Variants in CFAP54 observed in about 807,000 individuals in gnomAD.
CFAP54 encodes cilia and flagella associated protein 54.
In CFAP54, 290 loss-of-function variants were observed where a neutral mutation model predicts 370.4. The ratio of observed to expected loss-of-function variants is 0.78; its 90% CI spans 0.71 to 0.86. The LOEUF is 0.86. CFAP54 is among the 40% of genes least tolerant of loss of function. CFAP54 has a pLI of 0.00. For synonymous variants in CFAP54, 1,206 were observed against 1,236.5 expected (o/e 0.98, Z 0.52); for missense variants, 3,399 against 3,528.7 (o/e 0.96, Z 0.93).
intron 67 of CFAP54, among the ~76,000 whole-genome samples, chr12:96,867,889 A>T (rs534451435): frequency 6.6e-6 from 1 of 152,182 alleles, no homozygotes; most frequent in African/African-American, 2.4e-5. Context: ...CTGAGAGAAG[A>T]TCTTAACTGT....
chr12:96,701,428 A>T (rs1313231373), intron 46 of CFAP54, among the ~76,000 whole-genome samples: 3 of 152,152 alleles, frequency 2.0e-5, no homozygotes, highest in African/African-American at 7.2e-5. Context: ...AGAGCAGTAG[A>T]AAGACAGCAG....
chr12:96,554,407 C>G, intron 16 of CFAP54, 97 bp downstream of exon 16: 4 of 1,367,460 alleles, frequency 2.9e-6, no homozygotes, highest in Non-Finnish European at 3.8e-6. Flanking sequence ...CTTGTGTTGG[C>G]TTACCTCTCA....
At chr12:96,640,829 G>T (rs1344747673) in intron 32 of CFAP54, among the ~76,000 whole-genome samples, 4 of 152,216 alleles carry the variant, frequency 2.6e-5, no homozygotes, top group Middle Eastern at 3.4e-3. Context: ...ATGGGGAAAG[G>T]ATTCCCTATT....
intron 26 of CFAP54, among the ~76,000 whole-genome samples, chr12:96,620,645 T>C (rs1029171156): frequency 6.6e-6 from 1 of 152,238 alleles, no homozygotes; most frequent in East Asian, 1.9e-4. Flanking sequence ...TATAACAAAT[T>C]CACACAAACT....
chr12:96,655,194 T>C (rs1956908165), intron 36 of CFAP54, among the ~76,000 whole-genome samples: 1 of 151,960 alleles, frequency 6.6e-6, no homozygotes, highest in African/African-American at 2.4e-5. Context: ...TATATGGTTT[T>C]TTTTTTCCAC....
intron 58 of CFAP54, among the ~76,000 whole-genome samples, chr12:96,762,667 T>G (rs899178687): frequency 6.6e-6 from 1 of 152,270 alleles, no homozygotes; most frequent in African/African-American, 2.4e-5. Context: ...ACATGCCTGT[T>G]AGTCTTGTTA....
chr12:96,627,697 A>G (rs1229944937), intron 30 of CFAP54, among the ~76,000 whole-genome samples: 1 of 152,240 alleles, frequency 6.6e-6, no homozygotes, highest in Non-Finnish European at 1.5e-5. Context: ...TCAAAAGATA[A>G]AAGAAGAAAT....
intron 26 of CFAP54, among the ~76,000 whole-genome samples, chr12:96,609,717 G>A (rs1956334890): frequency 6.6e-6 from 1 of 152,136 alleles, no homozygotes. Context: ...TATGTAAAGT[G>A]ATTCTATGTA....
chr12:96,508,607 T>TA (rs11411730), intron 4 of CFAP54, among the ~76,000 whole-genome samples: 58,423 of 148,798 alleles, frequency 0.39, 11,901 homozygotes, highest in East Asian at 0.68. Flanking sequence ...TTTTTTTTTT[T>TA]AAAAGATTAT....
At chr12:96,803,878 A>C (rs530319580) in intron 63 of CFAP54, among the ~76,000 whole-genome samples, 1 of 152,292 alleles carries the variant, frequency 6.6e-6, no homozygotes, top group East Asian at 1.9e-4. Flanking sequence ...GTCATCCAGC[A>C]ATAAATCCTA....
intron 26 of CFAP54, among the ~76,000 whole-genome samples, chr12:96,617,208 T>A (rs563115263): frequency 6.6e-6 from 1 of 152,170 alleles, no homozygotes; most frequent in Non-Finnish European, 1.5e-5. Context: ...CAGATTGAAT[T>A]TTGGAGTCGA....
intron 47 of CFAP54, among the ~76,000 whole-genome samples, 165 bp from the exon 48 acceptor site, chr12:96,708,443 C>A (rs1207815454): frequency 6.6e-6 from 1 of 152,100 alleles, no homozygotes; most frequent in Non-Finnish European, 1.5e-5. Context: ...TGAGATGGTT[C>A]CGATGTTACA....
chr12:96,708,579 T>C (rs755570554), intron 47 of CFAP54, 29 bp from the exon 48 acceptor site: 9 of 1,539,062 alleles, frequency 5.8e-6, no homozygotes, highest in Non-Finnish European at 4.4e-6. Context: ...TTTTCTAATT[T>C]GCTCTTTTTC....
At chr12:96,862,586 T>C (rs1959904819) in intron 67 of CFAP54, among the ~76,000 whole-genome samples, 1 of 151,874 alleles carries the variant, frequency 6.6e-6, no homozygotes, top group South Asian at 2.1e-4. Context: ...CAAGATATAA[T>C]GAAAGGGAAA....
At chr12:96,788,040 C>A (rs779580299) in intron 62 of CFAP54, among the ~76,000 whole-genome samples, 90 of 151,456 alleles carry the variant, frequency 5.9e-4, no homozygotes, top group Admixed American at 1.4e-3. Flanking sequence ...TCTCAGCCTC[C>A]CGAAAAAGTG....
chr12:96,519,296 G>A (rs558643876), intron 6 of CFAP54, among the ~76,000 whole-genome samples: 1 of 152,136 alleles, frequency 6.6e-6, no homozygotes, highest in Admixed American at 6.5e-5. Context: ...ACAGGGTTTT[G>A]CCATGTTGAT....
chr12:96,651,525 A>C, intron 35 of CFAP54, 63 bp from the exon 36 acceptor site: 3 of 1,283,684 alleles, frequency 2.3e-6, no homozygotes, highest in Non-Finnish European at 3.3e-6. Context: ...AAAAAGATGA[A>C]GTTGTTCAGA....
At chr12:96,764,998 T>TA in intron 59 of CFAP54, 79 bp from the exon 60 acceptor site, 1 of 1,148,020 alleles carries the variant, frequency 8.7e-7, no homozygotes, top group Admixed American at 2.9e-5. Context: ...AATTCACTTT[T>TA]TTCACATTAT....
Position 96,489,609 on chromosome 12 carries a change from T to C in CFAP54, c.-1T>C, listed in dbSNP as rs1954852841. 2.2e-5 allele frequency: 33 copies of C among 1,514,694 alleles called. No individual in the cohort carries two copies. Among genetic ancestry groups the C allele is most frequent in the Non-Finnish European group, 2.9e-5 (33 of 1,131,798 alleles). The allele number at this position is 1,514,694 out of a possible 1,614,324, so 93.8% of individuals were successfully genotyped here. A position where few individuals can be genotyped will look rare whatever the true frequency, so the allele number is the denominator to read the frequency against. On this transcript the variant is annotated 5_prime_UTR_variant, in exon 1 of 68. Coordinates refer to ENST00000524981, the MANE Select transcript of CFAP54 (RefSeq NM_001306084.2). The stretch of plus-strand genomic sequence containing the variant: ...CTCCAGGCGGGCCGGGGCGCGTCAA[T>C]ATGGCGGCGCAGGGCTCCCCCTCGA...
Sources: allele counts gnomAD v4.1 joint callset (sites outside exome capture counted in the v4.1 genomes callset), GRCh38; gene constraint gnomAD v4.1.1; transcripts MANE v1.5; gene names NCBI Gene and HGNC (gene_info 2026-07-23, HGNC 2026-07-21).